The following DIAPH2 variants were observed in gnomAD, a reference collection of about 807,000 sequenced individuals.
DIAPH2 encodes diaphanous related formin 2, also known as protein diaphanous homolog 2.
A neutral mutation model predicts 92.7 loss-of-function variants in DIAPH2; 35 were observed. That is an observed-to-expected ratio of 0.38 (90% CI 0.29 to 0.50). DIAPH2 has a LOEUF of 0.50. Among genes scored for constraint, DIAPH2 ranks in the 20% least tolerant of loss-of-function variants. The pLI is 0.94. For missense variants in DIAPH2, 701 were observed against 819.5 expected, an observed-to-expected ratio of 0.86 and a Z score of 1.77; for synonymous variants, 301 against 280.4, an observed-to-expected ratio of 1.07 and a Z score of -0.73.
intron 3 of DIAPH2, among the ~76,000 whole-genome samples, chrX:96,750,654 CAAAGA>C (rs2064181222): frequency 8.9e-6 from 1 of 111,806 alleles, no homozygotes; most frequent in Non-Finnish European, 1.9e-5. Context: ...AACGGTGACA[CAAAGA>C]AAAGTAGTTT....
At chrX:97,247,304 A>G (rs2068150550) in intron 22 of DIAPH2, among the ~76,000 whole-genome samples, 1 of 112,139 alleles carries the variant, frequency 8.9e-6, no homozygotes, top group South Asian at 3.6e-4. Context: ...AAAATATTTG[A>G]TCCTTTTACA....
intron 12 of DIAPH2, 148 bp downstream of exon 12, chrX:96,939,530 G>GTATGTATATATATGTA (rs2065683138): frequency 1.3e-5 from 1 of 76,539 alleles, no homozygotes; most frequent in African/African-American, 4.9e-5. Flanking sequence ...ATATATATAT[G>GTATGTATATATATGTA]TATATATATA....
intron 17 of DIAPH2, among the ~76,000 whole-genome samples, chrX:96,976,458 T>C (rs2065962670): frequency 9.0e-6 from 1 of 111,299 alleles, no homozygotes; most frequent in African/African-American, 3.3e-5. Flanking sequence ...TAAAGTTTTT[T>C]GGATTTCTAA....
intron 10 of DIAPH2, 66 bp downstream of exon 10, chrX:96,930,909 A>T (rs1273073300): frequency 9.3e-7 from 1 of 1,077,672 alleles, no homozygotes; most frequent in Non-Finnish European, 1.2e-6. Flanking sequence ...CCACAAAAGT[A>T]CTTGAAGCAG....
At chrX:97,054,577 G>A (rs1490365645) in intron 17 of DIAPH2, among the ~76,000 whole-genome samples, 5 of 111,475 alleles carry the variant, frequency 4.5e-5, no homozygotes, top group Non-Finnish European at 7.5e-5. Flanking sequence ...AGGTTGAGAA[G>A]GAATGGAATA....
chrX:96,714,267 T>C (rs866412962), intron 1 of DIAPH2, among the ~76,000 whole-genome samples: 1 of 101,312 alleles, frequency 9.9e-6, no homozygotes, highest in South Asian at 4.6e-4. Context: ...GTGTGTGTGT[T>C]TTTTTTTTTT....
chrX:97,358,229 T>G (rs1161843416), intron 24 of DIAPH2, among the ~76,000 whole-genome samples: 1 of 112,077 alleles, frequency 8.9e-6, no homozygotes, highest in Admixed American at 9.5e-5. Context: ...GCTTAAAGTC[T>G]GACTTGCCTG....
chrX:97,547,505 T>C (rs2071190397), intron 26 of DIAPH2, among the ~76,000 whole-genome samples: 1 of 112,006 alleles, frequency 8.9e-6, no homozygotes, highest in African/African-American at 3.2e-5. Flanking sequence ...TCTTCTAACA[T>C]CAAACAGACA....
chrX:97,185,513 A>ATC (rs2067596346), intron 22 of DIAPH2, among the ~76,000 whole-genome samples: 1 of 43,447 alleles, frequency 2.3e-5, no homozygotes, highest in African/African-American at 6.4e-5. Flanking sequence ...ATATATATAT[A>ATC]TATATATCTC....
In DIAPH2 at chrX:96,780,152, T is replaced by C. The variant is rs143612697; in HGVS notation, c.447+21894T>C. 6.5e-3 allele frequency among the ~76,000 whole-genome samples: 730 copies of C among 112,430 alleles called. 6 individuals carry two copies. Among genetic ancestry groups the C allele is most frequent in the Middle Eastern group, 0.014 (3 of 215 alleles). On this transcript the variant is annotated intron_variant, in intron 4 of 26. Transcript: ENST00000324765. ...CAACTAAAACAAAATGTGTAAATCATCTGGATGTTTTGTTTAATAGGACTG... is the reference window on the plus strand; with the variant it reads ...CAACTAAAACAAAATGTGTAAATCACCTGGATGTTTTGTTTAATAGGACTG...
intron 23 of DIAPH2, among the ~76,000 whole-genome samples, chrX:97,293,851 A>G (rs769658856): frequency 1.8e-5 from 2 of 112,028 alleles, no homozygotes; most frequent in African/African-American, 6.5e-5. Context: ...TTGTACATAA[A>G]TAGTGATTAA....
In DIAPH2 at chrX:96,971,729, G is replaced by A. The variant is rs192189760; in HGVS notation, c.2050+6522G>A. Among the ~76,000 whole-genome samples the A allele has an allele frequency of 2.7e-5, 3 of 111,197 alleles. No homozygotes were observed. In the East Asian group the frequency reaches 8.4e-4, roughly 31 times the overall value. On this transcript the variant is annotated intron_variant, in intron 17 of 26. Transcript: ENST00000324765. ...ACGCTACTATGACTTCCCTAATTGT[G>A]GATATTTAAGTAGAAATCTGGACAG... is the stretch of plus-strand genomic sequence containing the variant.
chrX:96,857,540 C>T (rs2065047991), intron 4 of DIAPH2, among the ~76,000 whole-genome samples: 1 of 112,297 alleles, frequency 8.9e-6, no homozygotes, highest in African/African-American at 3.2e-5. Context: ...TATCAAGTGT[C>T]CATAGAAAAA....
At chrX:97,040,356 C>G (rs1272534714) in intron 17 of DIAPH2, among the ~76,000 whole-genome samples, 1 of 110,635 alleles carries the variant, frequency 9.0e-6, no homozygotes, top group Non-Finnish European at 1.9e-5. Flanking sequence ...TTATTCCCAC[C>G]TGAGCTTATA....
At chrX:97,198,445 C>A (rs775775119) in intron 22 of DIAPH2, among the ~76,000 whole-genome samples, 1 of 110,226 alleles carries the variant, frequency 9.1e-6, no homozygotes, top group African/African-American at 3.3e-5. Flanking sequence ...TGAAAACTTA[C>A]GAAGTGGATG....
chrX:97,045,817 T>G lies in DIAPH2; in HGVS notation c.2051-27124T>G, dbSNP rs1378163836. On this transcript the variant is annotated intron_variant, in intron 17 of 26. Transcript: ENST00000324765. ...GGAGGAGCATGGAGAAGGTGGTATG[T>G]GGGAAGGGTATGGTATTAGGGTATT... Among the ~76,000 whole-genome samples, 33 of 105,439 alleles carry G rather than the reference T, an allele frequency of 3.1e-4. 1 individual carries two copies. In the Admixed American group the frequency reaches 3.3e-3, roughly 11 times the overall value. The allele number at this position is 105,439 out of a possible 115,157, so 91.6% of individuals were successfully genotyped here.
In DIAPH2 at chrX:97,591,816, C is replaced by T. The variant is rs747568211; in HGVS notation, c.3242-7437C>T. 3.2e-4 allele frequency among the ~76,000 whole-genome samples: 36 copies of T among 111,976 alleles called. No individual in the cohort carries two copies. In the South Asian group the frequency reaches 9.1e-3, roughly 28 times the overall value. ...CATCATAGAGAGAAAATCTGTCTTACGACCCAATTGCATTCTCTAGTAAAG... is the reference window on the plus strand; with the variant it reads ...CATCATAGAGAGAAAATCTGTCTTATGACCCAATTGCATTCTCTAGTAAAG... On this transcript the variant is annotated intron_variant, in intron 26 of 26. Transcript: ENST00000324765.
chrX:97,414,393 A>G (rs184005230), intron 25 of DIAPH2, among the ~76,000 whole-genome samples: 372 of 111,711 alleles, frequency 3.3e-3, no homozygotes, highest in African/African-American at 0.012. Context: ...GCTGACGCCT[A>G]TAATCCCAGC....
chrX:97,423,870 CAT>C (rs1218376123), intron 25 of DIAPH2, among the ~76,000 whole-genome samples: 2 of 110,614 alleles, frequency 1.8e-5, no homozygotes, highest in African/African-American at 3.3e-5. Context: ...GAAATAAACA[CAT>C]AAACAATTTT....
Sources: allele counts gnomAD v4.1 joint callset (sites outside exome capture counted in the v4.1 genomes callset), GRCh38; gene constraint gnomAD v4.1.1; transcripts MANE v1.5; gene names NCBI Gene and HGNC (gene_info 2026-07-23, HGNC 2026-07-21).